Variants in ATP2B1 observed in about 807,000 individuals in gnomAD.
ATP2B1 encodes plasma membrane calcium-transporting ATPase 1.
In ATP2B1, 14 loss-of-function variants were observed where a neutral mutation model predicts 124.2. The ratio of observed to expected loss-of-function variants is 0.11; its 90% CI spans 0.07 to 0.18. The LOEUF is 0.18. Among genes scored for constraint, ATP2B1 ranks in the 10% least tolerant of loss-of-function variants. The pLI is 1.00. For synonymous variants in ATP2B1, 449 were observed against 492.4 expected (o/e 0.91, Z 1.17); for missense variants, 763 against 1,466.1 (o/e 0.52, Z 7.83).
intron 15 of ATP2B1, among the ~76,000 whole-genome samples, chr12:89,607,715 A>G (rs1009821274): frequency 6.6e-6 from 1 of 152,196 alleles, no homozygotes; most frequent in Non-Finnish European, 1.5e-5. Context: ...TGTGACAAGG[A>G]TTCTCTCCTT....
intron 12 of ATP2B1, among the ~76,000 whole-genome samples, chr12:89,615,007 C>A (rs1477077298): frequency 6.6e-6 from 1 of 152,138 alleles, no homozygotes; most frequent in Non-Finnish European, 1.5e-5. Flanking sequence ...CACTTCCCAG[C>A]CTGAATTTCA....
chr12:89,696,579 G>T (rs576832977), intron 1 of ATP2B1, among the ~76,000 whole-genome samples: 43 of 152,282 alleles, frequency 2.8e-4, no homozygotes, highest in Non-Finnish European at 4.9e-4. Context: ...TTTTTCAAAA[G>T]ATAAAAACCA....
chr12:89,628,792 T>A (rs868343643), intron 6 of ATP2B1, among the ~76,000 whole-genome samples: 12 of 152,064 alleles, frequency 7.9e-5, no homozygotes, highest in Non-Finnish European at 1.6e-4. Context: ...AAGCTCAAGA[T>A]TGATGAGGAG....
intron 1 of ATP2B1, among the ~76,000 whole-genome samples, chr12:89,677,104 T>G (rs977548433): frequency 2.0e-5 from 3 of 152,074 alleles, no homozygotes; most frequent in Non-Finnish European, 2.9e-5. Context: ...TTTTAAAGAT[T>G]AACAACTACT....
intron 1 of ATP2B1, among the ~76,000 whole-genome samples, chr12:89,676,573 G>A (rs1888632605): frequency 6.6e-6 from 1 of 151,972 alleles, no homozygotes; most frequent in Non-Finnish European, 1.5e-5. Context: ...ACCACACCCA[G>A]CTATATTACA....
intron 7 of ATP2B1, among the ~76,000 whole-genome samples, 192 bp from the exon 8 acceptor site, chr12:89,626,807 C>T (rs1880950490): frequency 6.6e-6 from 1 of 152,054 alleles, no homozygotes; most frequent in Non-Finnish European, 1.5e-5. Flanking sequence ...AAACTTTGTA[C>T]CATATTTGAA....
chr12:89,643,209 T>C (rs1883914518), intron 2 of ATP2B1, among the ~76,000 whole-genome samples: 1 of 150,780 alleles, frequency 6.6e-6, no homozygotes, highest in Admixed American at 6.7e-5. Context: ...TATGTGTGTA[T>C]ATGTGTATAT....
intron 1 of ATP2B1, among the ~76,000 whole-genome samples, chr12:89,658,643 G>GAGAGAGAT (rs1886294800): frequency 2.8e-5 from 4 of 142,890 alleles, no homozygotes; most frequent in South Asian, 4.3e-4. Flanking sequence ...GAGAGAGAGA[G>GAGAGAGAT]AGAGATAGAG....
At chr12:89,627,541 GA>G in intron 7 of ATP2B1, 136 bp downstream of exon 7, 1 of 872,566 alleles carries the variant, frequency 1.1e-6, no homozygotes. Flanking sequence ...CCGGCAGGAA[GA>G]AAGGTTAACC....
chr12:89,685,940 C>T (rs1005372598), intron 1 of ATP2B1, among the ~76,000 whole-genome samples: 3 of 152,072 alleles, frequency 2.0e-5, no homozygotes, highest in Admixed American at 2.0e-4. Flanking sequence ...CAGGAGAAAA[C>T]TTACCTTGCT....
chr12:89,699,073 CCT>C (rs1335502774), intron 1 of ATP2B1, among the ~76,000 whole-genome samples: 16 of 152,310 alleles, frequency 1.1e-4, no homozygotes, highest in African/African-American at 3.8e-4. Context: ...GTTTTGCCCC[CCT>C]GTCCCCTCTT....
At chr12:89,648,682 A>G (rs867757916) in intron 2 of ATP2B1, among the ~76,000 whole-genome samples, 2 of 152,366 alleles carry the variant, frequency 1.3e-5, no homozygotes, top group Middle Eastern at 3.4e-3. Context: ...AGCATGACTA[A>G]AAGAGAGCTG....
chr12:89,604,856 AC>A (rs1198339899), intron 15 of ATP2B1, among the ~76,000 whole-genome samples: 1 of 138,266 alleles, frequency 7.2e-6, no homozygotes, highest in Admixed American at 7.2e-5. Context: ...CAACAACAGA[AC>A]CCCCCTGTCA....
chr12:89,594,526 T>C (rs1319777072), intron 20 of ATP2B1: 5 of 150,810 alleles, frequency 3.3e-5, no homozygotes, highest in Non-Finnish European at 7.4e-5. Flanking sequence ...CTCGAAATTA[T>C]CAGAATTAAG....
chr12:89,708,882 G>T (rs1892867043), upstream of ATP2B1: 1 of 152,084 alleles, frequency 6.6e-6, no homozygotes, highest in Admixed American at 6.6e-5. Context: ...GCGGCGCCCG[G>T]CCGTCCCCGC....
chr12:89,595,679 C>G (rs542516795), intron 20 of ATP2B1, among the ~76,000 whole-genome samples: 2 of 151,960 alleles, frequency 1.3e-5, no homozygotes, highest in Non-Finnish European at 2.9e-5. Flanking sequence ...TAACATAGTT[C>G]TATATTTTGG....
chr12:89,591,806 C>T lies in ATP2B1; in HGVS notation c.3352-511G>A, dbSNP rs190847863. The stretch of plus-strand genomic sequence containing the variant: ...ATGCCACAATGAACTCACATCTACC[C>T]CACTACTCCCTTAATTAAAAACAAA... On this transcript the variant is annotated intron_variant, in intron 20 of 20. Coordinates refer to ENST00000428670, the MANE Select transcript of ATP2B1 (RefSeq NM_001366521.1). Among the ~76,000 whole-genome samples the T allele has an allele frequency of 1.8e-4, 28 of 151,982 alleles. No homozygotes were observed. In the Middle Eastern group the frequency reaches 0.017, roughly 93 times the overall value.
chr12:89,694,775 G>A (rs985705075), intron 1 of ATP2B1, among the ~76,000 whole-genome samples: 2 of 152,176 alleles, frequency 1.3e-5, no homozygotes, highest in Non-Finnish European at 1.5e-5. Flanking sequence ...TCTAAGAACT[G>A]GCCAGGCGCA....
chr12:89,687,121 A>G (rs1033863188), intron 1 of ATP2B1, among the ~76,000 whole-genome samples: 3 of 152,146 alleles, frequency 2.0e-5, no homozygotes, highest in Non-Finnish European at 4.4e-5. Context: ...GTTAGGTATT[A>G]TAAGCAATCT....
Sources: gnomAD v4.1 joint callset for allele counts (sites outside exome capture counted in the v4.1 genomes callset) on GRCh38, gnomAD v4.1.1 for gene constraint, MANE v1.5 for transcripts, NCBI Gene and HGNC (gene_info 2026-07-23, HGNC 2026-07-21) for gene names.